Variants in TFB1M observed in about 807,000 individuals in gnomAD.
TFB1M encodes the protein transcription factor B1, mitochondrial.
Under a neutral mutation model 31.1 loss-of-function variants are expected in TFB1M, and 27 were observed. That is an observed-to-expected ratio of 0.87 (90% confidence interval 0.64 to 1.20). TFB1M has a LOEUF of 1.20. TFB1M is among the 50% of genes most tolerant of loss of function. The pLI is 0.00. For synonymous variants in TFB1M, 166 were observed against 151.8 expected, an observed-to-expected ratio of 1.09 and a Z score of -0.69; for missense variants, 394 against 418.7, an observed-to-expected ratio of 0.94 and a Z score of 0.51.
intron 5 of TFB1M, among the ~76,000 whole-genome samples, chr6:155,271,796 T>G (rs1216133129): frequency 6.6e-6 from 1 of 152,184 alleles, no homozygotes; most frequent in African/African-American, 2.4e-5. Context: ...ACTAAAACAT[T>G]ATATTAAAAG....
At chr6:155,275,863 C>T (rs372008756) in intron 5 of TFB1M, 21 of 1,614,002 alleles carry the variant, frequency 1.3e-5, no homozygotes, top group South Asian at 4.4e-5. Context: ...TACAGCTGCA[C>T]GGGCTCTGGA....
intron 2 of TFB1M, chr6:155,303,140 CTAATTT>C (rs143353527): frequency 0.061 from 9,248 of 152,094 alleles, 307 homozygotes; most frequent in Middle Eastern, 0.078. Flanking sequence ...GCTAATTATC[CTAATTT>C]TATCATTATA....
chr6:155,251,174 G>C (rs1783634250), downstream of TFB1M, among the ~76,000 whole-genome samples: 2 of 152,204 alleles, frequency 1.3e-5, no homozygotes. Context: ...CCAACTATTT[G>C]AAACTCCGGC....
chr6:155,294,327 A>G (rs1777068900), intron 4 of TFB1M, among the ~76,000 whole-genome samples: 1 of 152,242 alleles, frequency 6.6e-6, no homozygotes, highest in African/African-American at 2.4e-5. Flanking sequence ...ACTAGACATA[A>G]ATTTAAAATT....
intron 2 of TFB1M, among the ~76,000 whole-genome samples, chr6:155,309,797 C>G (rs542816774): frequency 6.6e-6 from 1 of 152,070 alleles, no homozygotes; most frequent in South Asian, 2.1e-4. Flanking sequence ...AATAATATTC[C>G]CACGTCCACC....
the TFB1M span, among the ~76,000 whole-genome samples, chr6:155,234,332 C>G: frequency 3.9e-5 from 6 of 152,232 alleles, no homozygotes; most frequent in African/African-American, 1.2e-4. Context: ...TAGAGCCTCA[C>G]TCTGTCACTC....
chr6:155,254,825 T>A, downstream of TFB1M: 1 of 447,402 alleles, frequency 2.2e-6, no homozygotes, highest in Non-Finnish European at 4.1e-6. Context: ...TTTCTTCCAC[T>A]AAGATGTGCA....
chr6:155,307,378 G>A (rs1777827891), intron 2 of TFB1M, among the ~76,000 whole-genome samples: 1 of 152,036 alleles, frequency 6.6e-6, no homozygotes, highest in South Asian at 2.1e-4. Flanking sequence ...CAATCATGAC[G>A]GAAGGCAAGT....
In TFB1M at chr6:155,261,617, AGGTGCCTGT is replaced by A. The variant is rs150555695; in HGVS notation, c.667-1226_667-1218del. ...TCACACAGCCTGACGCGCTTGTGGG[AGGTGCCTGT>A]GGTGCCTGAGCTGTGTCATCAAGGC... On this transcript the variant is annotated intron_variant, in intron 5 of 6. Coordinates refer to ENST00000367166, the MANE Select transcript of TFB1M (RefSeq NM_016020.4). 8.3e-3 allele frequency among the ~76,000 whole-genome samples: 1,259 copies of A among 152,312 alleles called. 17 individuals are homozygous for A. The highest frequency in any genetic ancestry group is 0.029 in the African/African-American group (1,198 of 41,550).
At chr6:155,231,735 T>C in the TFB1M span, among the ~76,000 whole-genome samples, 1 of 152,226 alleles carries the variant, frequency 6.6e-6, no homozygotes, top group Non-Finnish European at 1.5e-5. Context: ...AGGAGCCCCT[T>C]GTTCCCACTG....
At chr6:155,292,152 T>A (rs1001860395) in intron 4 of TFB1M, among the ~76,000 whole-genome samples, 1 of 152,128 alleles carries the variant, frequency 6.6e-6, no homozygotes, top group Non-Finnish European at 1.5e-5. Context: ...CAGCTCAAAC[T>A]GAGCCTAGAG....
At chr6:155,271,733 AC>A (rs1049052115) in intron 5 of TFB1M, among the ~76,000 whole-genome samples, 1 of 152,254 alleles carries the variant, frequency 6.6e-6, no homozygotes, top group African/African-American at 2.4e-5. Context: ...ATAAAATAAT[AC>A]ATTATATCTT....
At chr6:155,253,779 G>A (rs145744172), downstream of TFB1M, 4,978 of 517,970 alleles carry the variant, frequency 9.6e-3, 37 homozygotes, top group Middle Eastern at 0.015. Context: ...AGCAGGAAAT[G>A]TAAAAAGTAA....
Position 155,257,129 on chromosome 6 carries a change from C to A in TFB1M, c.*707G>T. ...AGCCACGGAAAATCATAGTATGATT[C>A]AATCCAGATATGGGTTAAATTCCTC... is the stretch of plus-strand genomic sequence containing the variant. On this transcript the variant is annotated 3_prime_UTR_variant, in exon 7 of 7. Transcript: ENST00000367166. 1 of 1,453,484 alleles carries A rather than the reference C, an allele frequency of 6.9e-7. No individual in the cohort carries two copies. Among genetic ancestry groups the A allele is most frequent in the South Asian group, 1.1e-5 (1 of 88,778 alleles). The allele number at this position is 1,453,484 out of a possible 1,614,324, so 90.0% of individuals were successfully genotyped here.
chr6:155,247,149 G>C, the TFB1M span, among the ~76,000 whole-genome samples: 3 of 152,200 alleles, frequency 2.0e-5, no homozygotes, highest in Non-Finnish European at 4.4e-5. Context: ...TGCAGGCTGT[G>C]GTGCCTGTCA....
intron 4 of TFB1M, among the ~76,000 whole-genome samples, chr6:155,287,281 A>G (rs1776703588): frequency 6.6e-6 from 1 of 152,180 alleles, no homozygotes; most frequent in Non-Finnish European, 1.5e-5. Context: ...CTAGGTCTCT[A>G]AGAACATATC....
chr6:155,296,638 C>T (rs1008010529), intron 4 of TFB1M, among the ~76,000 whole-genome samples: 1 of 149,654 alleles, frequency 6.7e-6, no homozygotes, highest in Admixed American at 6.6e-5. Flanking sequence ...TAAGGTATCA[C>T]GTGCCAATCC....
chr6:155,277,485 A>G (rs1785276437), intron 5 of TFB1M, among the ~76,000 whole-genome samples: 1 of 152,208 alleles, frequency 6.6e-6, no homozygotes, highest in South Asian at 2.1e-4. Context: ...ATTCAATGGT[A>G]AAGGGGAAAA....
At chr6:155,309,306 G>A (rs545232825) in intron 2 of TFB1M, among the ~76,000 whole-genome samples, 53 of 152,322 alleles carry the variant, frequency 3.5e-4, no homozygotes, top group African/African-American at 1.3e-3. Context: ...ACTGTTACGT[G>A]AGATAGAGGT....
Sources: gnomAD v4.1 joint callset for allele counts (sites outside exome capture counted in the v4.1 genomes callset) on GRCh38, gnomAD v4.1.1 for gene constraint, MANE v1.5 for transcripts, NCBI Gene and HGNC (gene_info 2026-07-23, HGNC 2026-07-21) for gene names.